Variants in NSFL1C observed in about 807,000 individuals in gnomAD.
NSFL1C encodes the protein NSFL1 cofactor p47.
NSFL1C carries 14 observed loss-of-function variants against 43.1 expected under a neutral mutation model. That is an observed-to-expected ratio of 0.32 (90% CI 0.21 to 0.51). NSFL1C has a LOEUF of 0.51. NSFL1C is among the 20% of genes least tolerant of loss of function. NSFL1C has a pLI of 0.98. For missense variants in NSFL1C, 406 were observed against 472.5 expected (o/e 0.86, Z 1.30); for synonymous variants, 171 against 183.5 (o/e 0.93, Z 0.55).
intron 8 of NSFL1C, 149 bp from the exon 9 acceptor site, chr20:1,444,060 T>C (rs2090007056): frequency 1.3e-6 from 1 of 797,040 alleles, no homozygotes; most frequent in African/African-American, 1.7e-5. Context: ...ACCAAGTCCC[T>C]TCCTTGCCAA....
chr20:1,465,129 T>G (rs2090483942), intron 1 of NSFL1C, among the ~76,000 whole-genome samples: 1 of 152,242 alleles, frequency 6.6e-6, no homozygotes, highest in Non-Finnish European at 1.5e-5. Context: ...ATGGGAATCC[T>G]TTGGTCATTT....
chr20:1,449,494 A>G (rs1162207777), intron 7 of NSFL1C, among the ~76,000 whole-genome samples: 1 of 152,186 alleles, frequency 6.6e-6, no homozygotes, highest in Non-Finnish European at 1.5e-5. Context: ...TGCTCTAATC[A>G]TCCCGCAGGG....
chr20:1,452,996 T>G (rs1031432092), intron 6 of NSFL1C, 35 bp downstream of exon 6: 1 of 1,133,332 alleles, frequency 8.8e-7, no homozygotes, highest in African/African-American at 1.5e-5. Flanking sequence ...ATCCACTCAC[T>G]GATTTGGGAC....
At chr20:1,447,598 T>TTAACTC (rs1052954763) in intron 7 of NSFL1C, among the ~76,000 whole-genome samples, 15 of 152,148 alleles carry the variant, frequency 9.9e-5, no homozygotes, top group African/African-American at 3.6e-4. Flanking sequence ...AGACATTAGG[T>TTAACTC]TAACTCTCCA....
At chr20:1,465,271 G>A (rs1380296313) in intron 1 of NSFL1C, among the ~76,000 whole-genome samples, 3 of 152,146 alleles carry the variant, frequency 2.0e-5, no homozygotes, top group Non-Finnish European at 2.9e-5. Flanking sequence ...AACTTCACAG[G>A]AGACAGTGAG....
chr20:1,445,836 G>GA lies in NSFL1C; in HGVS notation c.786-7dup. On this transcript the variant is annotated splice_region_variant and splice_polypyrimidine_tract_variant and intron_variant, in intron 7 of 8. Coordinates refer to ENST00000216879, the MANE Select transcript of NSFL1C (RefSeq NM_016143.5). The stretch of plus-strand genomic sequence containing the variant: ...TCAACACCTGGGGGGCAGTGCTGAG[G>GA]AGAGAGGATGGCATCAGAACACAAG... The GA allele has an allele frequency of 6.2e-7, 1 of 1,613,784 alleles. No individual in the cohort carries two copies. Among genetic ancestry groups the GA allele is most frequent in the Non-Finnish European group, 8.5e-7 (1 of 1,179,888 alleles).
intron 2 of NSFL1C, among the ~76,000 whole-genome samples, chr20:1,459,240 T>C (rs987727278): frequency 6.6e-6 from 1 of 152,158 alleles, no homozygotes; most frequent in African/African-American, 2.4e-5. Context: ...TGCAGGTGGA[T>C]TTCCCTCATG....
intron 2 of NSFL1C, 163 bp downstream of exon 2, chr20:1,464,166 T>G: frequency 1.6e-6 from 1 of 636,060 alleles, no homozygotes; most frequent in East Asian, 2.6e-5. Flanking sequence ...CATCTCTGTA[T>G]AGGAAATGAC....
In NSFL1C at chr20:1,464,482, A is replaced by G. The variant is rs2090471652; in HGVS notation, c.106-56T>C. 2.1e-6 allele frequency: 3 copies of G among 1,409,280 alleles called. No individual in the cohort carries two copies. The Admixed American group carries it at 5.0e-5, about 24-fold the overall frequency. The allele number at this position is 1,409,280 out of a possible 1,614,324, so 87.3% of individuals were successfully genotyped here. On this transcript the variant is annotated intron_variant, in intron 1 of 8. Coordinates refer to ENST00000216879, the MANE Select transcript of NSFL1C (RefSeq NM_016143.5). Reference sequence around the variant, plus strand: ...TTAAACAGGCCTTCACCTAACGCACATCTCCTTTGAGCACAAAGGAATACA... The same window carrying G: ...TTAAACAGGCCTTCACCTAACGCACGTCTCCTTTGAGCACAAAGGAATACA...
chr20:1,454,373 GAT>G, intron 4 of NSFL1C, 68 bp from the exon 5 acceptor site: 1 of 1,057,286 alleles, frequency 9.5e-7, no homozygotes, highest in Non-Finnish European at 1.5e-6. Flanking sequence ...CAGATACAAT[GAT>G]ATATATATCT....
chr20:1,445,985 T>G, intron 7 of NSFL1C, 155 bp from the exon 8 acceptor site: 1 of 753,848 alleles, frequency 1.3e-6, no homozygotes, highest in South Asian at 1.7e-5. Flanking sequence ...CGTGCCCTTA[T>G]GGAACTTACA....
At chr20:1,449,427 G>C (rs1038854555) in intron 7 of NSFL1C, among the ~76,000 whole-genome samples, 1 of 152,144 alleles carries the variant, frequency 6.6e-6, no homozygotes, top group Non-Finnish European at 1.5e-5. Flanking sequence ...TGAAGACCAG[G>C]CCTCCTGATT....
At chr20:1,466,081 C>A (rs752768789) in intron 1 of NSFL1C, among the ~76,000 whole-genome samples, 5 of 152,338 alleles carry the variant, frequency 3.3e-5, no homozygotes, top group African/African-American at 4.8e-5. Context: ...GTTCCAGGCA[C>A]TGGGAATTCA....
At chr20:1,448,558 T>C (rs1353283435) in intron 7 of NSFL1C, among the ~76,000 whole-genome samples, 2 of 152,202 alleles carry the variant, frequency 1.3e-5, no homozygotes, top group Non-Finnish European at 1.5e-5. Flanking sequence ...CTTGGCTGTG[T>C]AGCTTCTGAC....
intron 7 of NSFL1C, among the ~76,000 whole-genome samples, chr20:1,448,711 C>A (rs576472546): frequency 6.6e-6 from 1 of 152,154 alleles, no homozygotes; most frequent in Non-Finnish European, 1.5e-5. Context: ...AACCCACAGG[C>A]TTAACCCCCA....
At chr20:1,451,367 T>C (rs1214306726) in intron 7 of NSFL1C, among the ~76,000 whole-genome samples, 1 of 152,200 alleles carries the variant, frequency 6.6e-6, no homozygotes, top group African/African-American at 2.4e-5. Context: ...AGACCAAGCT[T>C]TGATCTCTGA....
chr20:1,443,712 G>A lies in NSFL1C; in HGVS notation c.*37C>T. 1 of 1,610,350 alleles carries A rather than the reference G, an allele frequency of 6.2e-7. No individual in the cohort carries two copies. On this transcript the variant is annotated 3_prime_UTR_variant, in exon 9 of 9. Transcript: ENST00000216879. ...CATGGGGCATGGCCACTGGCCATGG[G>A]AAACACAGGAGGGAGGCCAGGCAGC...
chr20:1,456,496 TGATGA>T (rs1468293584), intron 3 of NSFL1C: 1 of 152,244 alleles, frequency 6.6e-6, no homozygotes, highest in Non-Finnish European at 1.5e-5. Flanking sequence ...AGACTGACCA[TGATGA>T]GATAACTGCA....
chr20:1,444,390 C>A (rs1003313168), intron 8 of NSFL1C, among the ~76,000 whole-genome samples: 1 of 152,214 alleles, frequency 6.6e-6, no homozygotes, highest in Non-Finnish European at 1.5e-5. Flanking sequence ...TCTCCTCCTG[C>A]AGCTCATGAA....
Sources: allele counts gnomAD v4.1 joint callset (sites outside exome capture counted in the v4.1 genomes callset), GRCh38; gene constraint gnomAD v4.1.1; transcripts MANE v1.5; gene names NCBI Gene and HGNC (gene_info 2026-07-23, HGNC 2026-07-21).